Variants in SP4 observed in about 807,000 individuals in gnomAD.
SP4 encodes the protein Sp4 transcription factor, also known as transcription factor Sp4.
A neutral mutation model predicts 72.8 loss-of-function variants in SP4; 19 were observed. That is an observed-to-expected ratio of 0.26 (90% CI 0.18 to 0.38). The LOEUF (loss-of-function observed/expected upper bound fraction) is 0.38, where lower values mean the gene tolerates loss of function less well. Ranked by LOEUF, SP4 falls within the 10% of genes least tolerant of loss-of-function variation. SP4 has a pLI of 1.00. For synonymous variants in SP4, 395 were observed against 333.1 expected, an observed-to-expected ratio of 1.19 and a Z score of -2.02; for missense variants, 1,008 against 926.3, an observed-to-expected ratio of 1.09 and a Z score of -1.14.
At chr7:21,456,571 G>A (rs1469009046) in intron 3 of SP4, among the ~76,000 whole-genome samples, 1 of 152,194 alleles carries the variant, frequency 6.6e-6, no homozygotes, top group East Asian at 1.9e-4. Context: ...AAGAAGTCAG[G>A]TGGCATGCAA....
At position 21,513,364 on chromosome 7, in the gene SP4, A is replaced by G. The variant is rs1782195877; in HGVS notation, c.*2095A>G. On this transcript the variant is annotated 3_prime_UTR_variant, in exon 6 of 6. Transcript: ENST00000222584. ...TAAAGCTTTTGTAGACTTGTAACAG[A>G]GTCTTTAAATTTAAGTTGGATTTTG... is the stretch of plus-strand genomic sequence containing the variant. The G allele has an allele frequency of 6.6e-6, 1 of 152,568 alleles. No homozygotes were observed. The highest frequency in any genetic ancestry group is 1.9e-4 in the East Asian group (1 of 5,198). The allele number at this position is 152,568 out of a possible 1,614,324, so 9.5% of individuals were successfully genotyped here.
At chr7:21,501,053 A>G (rs1335841809) in intron 5 of SP4, among the ~76,000 whole-genome samples, 1 of 152,104 alleles carries the variant, frequency 6.6e-6, no homozygotes, top group Non-Finnish European at 1.5e-5. Context: ...TCCCTCCCCT[A>G]GTTCCTCATA....
At chr7:21,503,975 G>T (rs904760126) in intron 5 of SP4, among the ~76,000 whole-genome samples, 1 of 152,088 alleles carries the variant, frequency 6.6e-6, no homozygotes, top group African/African-American at 2.4e-5. Flanking sequence ...CTTATTTCAG[G>T]AAGTACCCAT....
intron 5 of SP4, among the ~76,000 whole-genome samples, chr7:21,503,710 T>G (rs968885473): frequency 1.3e-5 from 2 of 152,238 alleles, no homozygotes; most frequent in African/African-American, 4.8e-5. Flanking sequence ...GTAAATACTT[T>G]AGTCTTCCTA....
At chr7:21,428,550 G>A in intron 1 of SP4, 127 bp from the exon 2 acceptor site, 2 of 1,008,308 alleles carry the variant, frequency 2.0e-6, no homozygotes, top group South Asian at 1.7e-5. Flanking sequence ...CTGCCGGTGT[G>A]CGTGGATCGC....
At chr7:21,463,554 TGA>T (rs1784067280) in intron 3 of SP4, among the ~76,000 whole-genome samples, 1 of 152,166 alleles carries the variant, frequency 6.6e-6, no homozygotes, top group African/African-American at 2.4e-5. Context: ...AGGGTTGGAT[TGA>T]GAGTGTGTCC....
chr7:21,491,957 T>A (rs1784990158), intron 5 of SP4, among the ~76,000 whole-genome samples: 1 of 152,126 alleles, frequency 6.6e-6, no homozygotes, highest in Non-Finnish European at 1.5e-5. Context: ...AAAATAAAAA[T>A]AAATCGTCTT....
chr7:21,441,906 A>G (rs1401967277), intron 3 of SP4, among the ~76,000 whole-genome samples: 1 of 152,020 alleles, frequency 6.6e-6, no homozygotes, highest in African/African-American at 2.4e-5. Flanking sequence ...TTCTGCCCTC[A>G]TAGGATATAT....
intron 5 of SP4, among the ~76,000 whole-genome samples, chr7:21,505,553 G>T (rs1481312911): frequency 6.6e-6 from 1 of 152,170 alleles, no homozygotes; most frequent in African/African-American, 2.4e-5. Flanking sequence ...CCTAGTTATA[G>T]CATCTTCCCA....
At chr7:21,429,251 T>TCCC (rs55964829) in intron 2 of SP4, 38 bp from the exon 3 acceptor site, 6 of 1,026,438 alleles carry the variant, frequency 5.8e-6, no homozygotes, top group East Asian at 4.8e-5. Flanking sequence ...CCACTTTTTT[T>TCCC]CCCCCCCCCC....
intron 3 of SP4, among the ~76,000 whole-genome samples, chr7:21,473,795 G>A (rs188448328): frequency 3.6e-4 from 55 of 152,242 alleles, no homozygotes; most frequent in Non-Finnish European, 8.8e-5. Flanking sequence ...TTATTTGAGG[G>A]CCAGAAGAGA....
At chr7:21,437,136 C>T (rs1583378107) in intron 3 of SP4, among the ~76,000 whole-genome samples, 1 of 150,800 alleles carries the variant, frequency 6.6e-6, no homozygotes, top group South Asian at 2.1e-4. Context: ...GCATGAATAA[C>T]ACCTCAATTT....
intron 3 of SP4, among the ~76,000 whole-genome samples, chr7:21,432,631 T>C (rs1460344032): frequency 2.6e-5 from 4 of 152,206 alleles, no homozygotes; most frequent in South Asian, 4.1e-4. Context: ...CAGTTTTTGG[T>C]ACTGTAAGTT....
rs370694240 is a variant in SP4 at position 21,429,560 on chromosome 7, A to G, written c.395A>G (p.Asn132Ser). The G allele has an allele frequency of 3.1e-6, 5 of 1,614,154 alleles. No individual in the cohort carries two copies. In the African/African-American group the frequency reaches 5.3e-5, roughly 17 times the overall value. ...TCGTCTAGTTCTTCCAGCAGTAATAACGGGAGTGCATCTCCTACAAAAACT... is the reference window on the plus strand; with the variant it reads ...TCGTCTAGTTCTTCCAGCAGTAATAGCGGGAGTGCATCTCCTACAAAAACT... ...SSSSSSSSSN[N>S]GSASPTKTKS... Residue 132 changes from asparagine to serine, a missense_variant, in exon 3 of 6, where the codon AAC becomes AGC. Coordinates refer to ENST00000222584, the MANE Select transcript of SP4 (RefSeq NM_003112.5).
chr7:21,454,028 T>TA (rs1170971468), intron 3 of SP4, among the ~76,000 whole-genome samples: 2 of 152,236 alleles, frequency 1.3e-5, no homozygotes, highest in African/African-American at 4.8e-5. Flanking sequence ...GTTTTACATG[T>TA]AAAACTCTTT....
intron 5 of SP4, among the ~76,000 whole-genome samples, chr7:21,493,280 A>G (rs549785507): frequency 6.6e-6 from 1 of 152,312 alleles, no homozygotes; most frequent in South Asian, 2.1e-4. Context: ...GGAAATCCCT[A>G]AATATCTAGA....
intron 5 of SP4, among the ~76,000 whole-genome samples, chr7:21,495,746 T>C (rs1781690043): frequency 6.6e-6 from 1 of 152,132 alleles, no homozygotes; most frequent in South Asian, 2.1e-4. Flanking sequence ...TACTTCTGAG[T>C]ATTTACCCAA....
chr7:21,445,371 C>T (rs1261996175), intron 3 of SP4, among the ~76,000 whole-genome samples: 1 of 151,960 alleles, frequency 6.6e-6, no homozygotes, highest in Non-Finnish European at 1.5e-5. Flanking sequence ...ACCCAGAGAC[C>T]CTAAGAATTA....
At chr7:21,479,061 C>G (rs1159998196) in intron 4 of SP4, among the ~76,000 whole-genome samples, 2 of 150,404 alleles carry the variant, frequency 1.3e-5, no homozygotes, top group Non-Finnish European at 3.0e-5. Context: ...GAGCGAAACT[C>G]CATCTCAAAA....
Sources: gnomAD v4.1 joint callset for allele counts (sites outside exome capture counted in the v4.1 genomes callset) on GRCh38, gnomAD v4.1.1 for gene constraint, MANE v1.5 for transcripts, NCBI Gene and HGNC (gene_info 2026-07-23, HGNC 2026-07-21) for gene names.